CACNA2D1: variants seen among roughly 807,000 people sequenced by gnomAD.
CACNA2D1 encodes calcium voltage-gated channel auxiliary subunit alpha2delta 1.
A neutral mutation model predicts 171.5 loss-of-function variants in CACNA2D1; 53 were observed. That is an observed-to-expected ratio of 0.31 (90% CI 0.25 to 0.39). The LOEUF is 0.39. Among genes scored for constraint, CACNA2D1 ranks in the 10% least tolerant of loss-of-function variants. The pLI is 1.00. For synonymous variants in CACNA2D1, 442 were observed against 443.1 expected, an observed-to-expected ratio of 1.00 and a Z score of 0.03; for missense variants, 903 against 1,299.8, an observed-to-expected ratio of 0.69 and a Z score of 4.69.
At chr7:82,082,938 A>G (rs1809980358) in intron 7 of CACNA2D1, among the ~76,000 whole-genome samples, 1 of 152,078 alleles carries the variant, frequency 6.6e-6, no homozygotes, top group African/African-American at 2.4e-5. Context: ...ATTTGTTAAA[A>G]GAGCCATTTT....
chr7:82,176,485 AC>A (rs1796551150), intron 3 of CACNA2D1, among the ~76,000 whole-genome samples: 1 of 151,994 alleles, frequency 6.6e-6, no homozygotes, highest in African/African-American at 2.4e-5. Context: ...CATGTGCTGT[AC>A]TTACAGATTG....
At chr7:82,220,781 C>CT (rs71093369) in intron 3 of CACNA2D1, among the ~76,000 whole-genome samples, 43,994 of 134,188 alleles carry the variant, frequency 0.33, 7,996 homozygotes, top group East Asian at 0.6. Flanking sequence ...TTTCTTTTTT[C>CT]TTTTTTTTTT....
At chr7:81,979,412 T>G (rs1309767434) in intron 24 of CACNA2D1, among the ~76,000 whole-genome samples, 2 of 152,162 alleles carry the variant, frequency 1.3e-5, no homozygotes, top group Non-Finnish European at 2.9e-5. Context: ...AATTGAGAGA[T>G]ATATCTATCT....
chr7:82,168,422 G>C (rs1795689370), intron 4 of CACNA2D1, among the ~76,000 whole-genome samples: 1 of 152,124 alleles, frequency 6.6e-6, no homozygotes, highest in African/African-American at 2.4e-5. Flanking sequence ...GGGATTACAG[G>C]TGTAAGCCAC....
chr7:82,114,259 C>A (rs753974625), intron 6 of CACNA2D1, among the ~76,000 whole-genome samples: 1 of 152,106 alleles, frequency 6.6e-6, no homozygotes, highest in African/African-American at 2.4e-5. Flanking sequence ...TAGCATACAA[C>A]AGATGGATGC....
At chr7:82,011,697 A>G in intron 15 of CACNA2D1, among the ~76,000 whole-genome samples, 1 of 152,156 alleles carries the variant, frequency 6.6e-6, no homozygotes, top group East Asian at 1.9e-4. Context: ...ATCTAATCGC[A>G]TGTACTCCTG....
intron 1 of CACNA2D1, among the ~76,000 whole-genome samples, chr7:82,397,707 A>G (rs1272912670): frequency 6.6e-6 from 1 of 152,250 alleles, no homozygotes; most frequent in East Asian, 1.9e-4. Flanking sequence ...ATATATTGCC[A>G]TATTAACGAA....
At chr7:82,163,884 T>G (rs1049215950) in intron 4 of CACNA2D1, among the ~76,000 whole-genome samples, 2 of 151,898 alleles carry the variant, frequency 1.3e-5, no homozygotes, top group Admixed American at 6.6e-5. Flanking sequence ...GGAAGAGAGA[T>G]AGTACTCATA....
chr7:82,267,663 A>C (rs1166837569), intron 3 of CACNA2D1, among the ~76,000 whole-genome samples: 1 of 152,064 alleles, frequency 6.6e-6, no homozygotes, highest in African/African-American at 2.4e-5. Context: ...TGATTATCTT[A>C]CTGAATTGAA....
At chr7:82,207,730 CTT>C (rs1800155624) in intron 3 of CACNA2D1, among the ~76,000 whole-genome samples, 1 of 152,116 alleles carries the variant, frequency 6.6e-6, no homozygotes, top group Admixed American at 6.6e-5. Context: ...TTAATAACCT[CTT>C]TAGGTTTTGT....
intron 4 of CACNA2D1, among the ~76,000 whole-genome samples, chr7:82,156,447 A>T (rs1455547944): frequency 6.6e-6 from 1 of 152,148 alleles, no homozygotes; most frequent in Non-Finnish European, 1.5e-5. Flanking sequence ...GAACGTGATA[A>T]ATCAATCTTG....
intron 6 of CACNA2D1, among the ~76,000 whole-genome samples, chr7:82,089,824 G>GC (rs1584707245): frequency 6.6e-6 from 1 of 152,076 alleles, no homozygotes; most frequent in African/African-American, 2.4e-5. Flanking sequence ...ATAAAATGTT[G>GC]CACTATTGCT....
intron 20 of CACNA2D1, among the ~76,000 whole-genome samples, chr7:81,992,546 ACTC>A (rs1221901409): frequency 6.6e-6 from 1 of 152,134 alleles, no homozygotes; most frequent in Non-Finnish European, 1.5e-5. Context: ...ATTTGTTACT[ACTC>A]ATAAAAAAAC....
rs1470791795 is a variant in CACNA2D1, at chr7:82,198,041, G to A, written c.295-27432C>T. 2.6e-5 allele frequency among the ~76,000 whole-genome samples: 4 copies of A among 152,046 alleles called. 1 individual carries two copies. The East Asian group carries it at 7.7e-4, about 29-fold the overall frequency. ...TACAGAGAGAGGAATCCCAGTCCCT[G>A]ACTTGAATGAGCTCATGGTCCCAGG... On this transcript the variant is annotated intron_variant, in intron 3 of 38. Coordinates refer to ENST00000356860, the MANE Select transcript of CACNA2D1 (RefSeq NM_000722.4).
At chr7:82,306,837 T>C (rs562593702) in intron 3 of CACNA2D1, among the ~76,000 whole-genome samples, 11 of 151,192 alleles carry the variant, frequency 7.3e-5, no homozygotes, top group South Asian at 4.2e-4. Flanking sequence ...AGTGAGTGTT[T>C]CTCTTCACCA....
intron 38 of CACNA2D1, among the ~76,000 whole-genome samples, chr7:81,955,978 A>AT (rs1298625115): frequency 3.9e-4 from 19 of 49,220 alleles, no homozygotes; most frequent in African/African-American, 1.3e-3. Flanking sequence ...ATATATATAT[A>AT]TATTTTTTTT....
chr7:82,151,694 A>C (rs1793872218), intron 4 of CACNA2D1, among the ~76,000 whole-genome samples: 1 of 151,122 alleles, frequency 6.6e-6, no homozygotes, highest in South Asian at 2.1e-4. Context: ...AGCCAATTAC[A>C]GAGTTGTCTA....
intron 38 of CACNA2D1, among the ~76,000 whole-genome samples, chr7:81,954,011 T>G (rs1463399878): frequency 6.6e-6 from 1 of 152,094 alleles, no homozygotes; most frequent in African/African-American, 2.4e-5. Context: ...CACTGAAAAA[T>G]GTGTCTTTTA....
At chr7:82,004,264 G>A (rs569782882) in intron 18 of CACNA2D1, among the ~76,000 whole-genome samples, 1 of 152,110 alleles carries the variant, frequency 6.6e-6, no homozygotes, top group East Asian at 1.9e-4. Flanking sequence ...AGCTGTGGTA[G>A]TTTAATAATA....
Sources: allele counts gnomAD v4.1 joint callset (sites outside exome capture counted in the v4.1 genomes callset), GRCh38; gene constraint gnomAD v4.1.1; transcripts MANE v1.5; gene names NCBI Gene and HGNC (gene_info 2026-07-23, HGNC 2026-07-21).